Variants in RAPGEF5 observed in about 807,000 individuals in gnomAD.
RAPGEF5 encodes the protein M-Ras-regulated GEF.
A neutral mutation model predicts 125.2 loss-of-function variants in RAPGEF5; 65 were observed. The ratio of observed to expected loss-of-function variants is 0.52; its 90% CI spans 0.43 to 0.64. The LOEUF (loss-of-function observed/expected upper bound fraction) is 0.64, where lower values mean the gene tolerates loss of function less well. RAPGEF5 is among the 30% of genes least tolerant of loss of function. RAPGEF5 has a pLI of 0.00. For synonymous variants in RAPGEF5, 391 were observed against 385.9 expected (o/e 1.01, Z -0.16); for missense variants, 958 against 1,048.1 (o/e 0.91, Z 1.19).
intron 5 of RAPGEF5, among the ~76,000 whole-genome samples, chr7:22,296,508 T>C (rs917327466): frequency 6.6e-6 from 1 of 152,088 alleles, no homozygotes; most frequent in African/African-American, 2.4e-5. Context: ...ACCAAAAGCA[T>C]AGGGACTGCC....
intron 9 of RAPGEF5, among the ~76,000 whole-genome samples, chr7:22,211,963 C>CTTTTTTTTTTTTTTTT (rs749576250): frequency 1.7e-5 from 2 of 114,362 alleles, no homozygotes; most frequent in Non-Finnish European, 1.7e-5. Context: ...CATGTGTTCT[C>CTTTTTTTTTTTTTTTT]TTTTTTTTTT....
intron 24 of RAPGEF5, among the ~76,000 whole-genome samples, chr7:22,127,236 A>AG (rs1782777539): frequency 6.6e-6 from 1 of 151,706 alleles, no homozygotes; most frequent in Non-Finnish European, 1.5e-5. Context: ...ACAGGGTTTC[A>AG]CCATGTTCAA....
chr7:22,186,765 A>T (rs1784837676), intron 11 of RAPGEF5, among the ~76,000 whole-genome samples: 1 of 152,234 alleles, frequency 6.6e-6, no homozygotes, highest in Non-Finnish European at 1.5e-5. Flanking sequence ...AAAGTTAAGG[A>T]ATTGCCAGGA....
At chr7:22,352,391 G>T (rs1784346200) in intron 1 of RAPGEF5, among the ~76,000 whole-genome samples, 1 of 150,508 alleles carries the variant, frequency 6.6e-6, no homozygotes, top group South Asian at 2.1e-4. Flanking sequence ...AAAAGATGGG[G>T]AAATGAACGA....
rs560137837 is a variant in RAPGEF5 at position 22,163,473 on chromosome 7, T to C, written c.1284-932A>G. Reference sequence around the variant, plus strand: ...TACTTCTGTTAACAATGTTTATTTATATGATTAATGTCACTATCTGGAGGG... The same window carrying C: ...TACTTCTGTTAACAATGTTTATTTACATGATTAATGTCACTATCTGGAGGG... On this transcript the variant is annotated intron_variant, in intron 12 of 25. Transcript: ENST00000665637. 2.9e-3 allele frequency among the ~76,000 whole-genome samples: 444 copies of C among 152,320 alleles called. 1 individual carries two copies. The highest frequency in any genetic ancestry group is 5.2e-3 in the Non-Finnish European group (353 of 68,030).
chr7:22,139,403 C>T (rs1286965164), intron 21 of RAPGEF5, among the ~76,000 whole-genome samples: 1 of 152,162 alleles, frequency 6.6e-6, no homozygotes, highest in East Asian at 1.9e-4. Flanking sequence ...GAGGCAGAGT[C>T]CTGCGCCTGT....
At chr7:22,269,799 A>C (rs1007901735) in intron 6 of RAPGEF5, among the ~76,000 whole-genome samples, 1 of 152,214 alleles carries the variant, frequency 6.6e-6, no homozygotes, top group African/African-American at 2.4e-5. Context: ...TGAGCCTTCA[A>C]ATAACTGAGG....
chr7:22,212,269 G>A (rs536548037), intron 9 of RAPGEF5, among the ~76,000 whole-genome samples: 327 of 152,150 alleles, frequency 2.1e-3, no homozygotes, highest in Non-Finnish European at 4.0e-3. Flanking sequence ...CACCACACCC[G>A]GCCTCACATG....
At chr7:22,200,316 G>A (rs531920073) in intron 9 of RAPGEF5, among the ~76,000 whole-genome samples, 1 of 152,234 alleles carries the variant, frequency 6.6e-6, no homozygotes, top group South Asian at 2.1e-4. Context: ...GTAAACAGAT[G>A]TTTTTTAAAA....
chr7:22,229,854 C>A (rs1786016173), intron 8 of RAPGEF5, among the ~76,000 whole-genome samples: 2 of 152,160 alleles, frequency 1.3e-5, no homozygotes, highest in South Asian at 4.1e-4. Flanking sequence ...ACTTTCAAAC[C>A]TAAGTAGAAT....
chr7:22,329,806 A>G (rs1324152107), intron 1 of RAPGEF5, among the ~76,000 whole-genome samples: 3 of 152,170 alleles, frequency 2.0e-5, no homozygotes, highest in Admixed American at 6.5e-5. Context: ...CAGACAGGTA[A>G]AAGAACACTC....
intron 6 of RAPGEF5, among the ~76,000 whole-genome samples, chr7:22,289,633 AAT>A (rs36037974): frequency 0.23 from 34,509 of 152,176 alleles, 4,477 homozygotes; most frequent in African/African-American, 0.35. Context: ...AAAAGTTCTA[AAT>A]ATGTTTTCAA....
In RAPGEF5 at chr7:22,356,937, C is replaced by T. The variant is rs1937664228; in HGVS notation, c.124G>A (p.Glu42Lys). ...LRRSPSAREP[E>K]REQPPASLRP... Reference sequence around the variant, plus strand: ...AGCGACGCCGGCGGCTGCTCGCGCTCGGGCTCCCGGGCGCTGGGGCTGCGG... The same window carrying T: ...AGCGACGCCGGCGGCTGCTCGCGCTTGGGCTCCCGGGCGCTGGGGCTGCGG... Residue 42 changes from glutamate (E) to lysine (K), a missense_variant, in exon 1 of 26, where the codon GAG becomes AAG. Physicochemically the swap from Glu to Lys is moderately conservative, Grantham distance 56. Transcript: ENST00000665637. The T allele has an allele frequency of 1.9e-6, 2 of 1,059,420 alleles. No individual in the cohort carries two copies. The highest frequency in any genetic ancestry group is 4.4e-5 in the South Asian group (1 of 22,796). The allele number at this position is 1,059,420 out of a possible 1,614,324, so 65.6% of individuals were successfully genotyped here.
At chr7:22,318,310 C>T (rs1360173002) in intron 1 of RAPGEF5, among the ~76,000 whole-genome samples, 2 of 152,082 alleles carry the variant, frequency 1.3e-5, no homozygotes, top group Non-Finnish European at 2.9e-5. Flanking sequence ...TTTCTTGGAC[C>T]AGTCACTTTA....
chr7:22,139,913 T>TG, intron 21 of RAPGEF5, 112 bp downstream of exon 21: 1 of 914,172 alleles, frequency 1.1e-6, no homozygotes, highest in African/African-American at 1.7e-5. Flanking sequence ...CCTACCACCT[T>TG]GACATATGAC....
intron 5 of RAPGEF5, among the ~76,000 whole-genome samples, chr7:22,302,904 A>T (rs973899751): frequency 6.6e-6 from 1 of 151,396 alleles, no homozygotes; most frequent in African/African-American, 2.4e-5. Context: ...GTTAAATTTT[A>T]GCAGTCCTCT....
At chr7:22,264,703 A>G (rs1446029376) in intron 7 of RAPGEF5, among the ~76,000 whole-genome samples, 3 of 152,048 alleles carry the variant, frequency 2.0e-5, no homozygotes, top group Non-Finnish European at 2.9e-5. Context: ...AAAAATCTCT[A>G]AATCAGAGGC....
intron 23 of RAPGEF5, among the ~76,000 whole-genome samples, chr7:22,133,550 G>T (rs1273325396): frequency 6.6e-6 from 1 of 152,138 alleles, no homozygotes; most frequent in African/African-American, 2.4e-5. Context: ...TGAAGAGATG[G>T]CAAGTGGAAG....
At chr7:22,327,858 G>A (rs1783844772) in intron 1 of RAPGEF5, among the ~76,000 whole-genome samples, 1 of 152,178 alleles carries the variant, frequency 6.6e-6, no homozygotes, top group Non-Finnish European at 1.5e-5. Flanking sequence ...TGGTTCAGTA[G>A]GTCTGGGGTG....
Sources: gnomAD v4.1 joint callset for allele counts (sites outside exome capture counted in the v4.1 genomes callset) on GRCh38, gnomAD v4.1.1 for gene constraint, MANE v1.5 for transcripts, NCBI Gene and HGNC (gene_info 2026-07-23, HGNC 2026-07-21) for gene names.